The following ROR2 variants were observed in gnomAD, a reference collection of about 807,000 sequenced individuals.
The protein encoded by ROR2 is tyrosine-protein kinase transmembrane receptor ROR2.
Under a neutral mutation model 74.9 loss-of-function variants are expected in ROR2, and 33 were observed. The observed-to-expected ratio is 0.44, with a 90% CI of 0.33 to 0.59. The LOEUF is 0.59. Ranked by LOEUF, ROR2 falls within the 20% of genes least tolerant of loss-of-function variation. The probability of loss-of-function intolerance (pLI) is 0.02; values close to 1 mark genes in which losing one functional copy is unlikely to be tolerated. For missense variants in ROR2, 1,216 were observed against 1,313.8 expected (o/e 0.93, Z 1.15); for synonymous variants, 586 against 558.7 (o/e 1.05, Z -0.69).
At chr9:91,773,577 G>C (rs568703658) in intron 2 of ROR2, among the ~76,000 whole-genome samples, 92 of 152,360 alleles carry the variant, frequency 6.0e-4, no homozygotes, top group African/African-American at 2.0e-3. Context: ...AATGTAGCTA[G>C]TACAACCAAG....
chr9:91,836,539 C>CAAAAAAAAA (rs753563302), intron 1 of ROR2, among the ~76,000 whole-genome samples: 31 of 102,482 alleles, frequency 3.0e-4, no homozygotes, highest in African/African-American at 9.2e-4. Context: ...GATTCCATCT[C>CAAAAAAAAA]AAAAAAAAAA....
chr9:91,840,792 C>T (rs992398047), intron 1 of ROR2, among the ~76,000 whole-genome samples: 1 of 152,236 alleles, frequency 6.6e-6, no homozygotes, highest in Admixed American at 6.5e-5. Context: ...CTCTGCGTGT[C>T]CAAATGAGAT....
At chr9:91,900,813 G>A (rs1345413516) in intron 1 of ROR2, among the ~76,000 whole-genome samples, 1 of 152,138 alleles carries the variant, frequency 6.6e-6, no homozygotes, top group Admixed American at 6.5e-5. Flanking sequence ...GTTCCAGCTT[G>A]AAGGGAAAAA....
At chr9:91,857,277 G>A (rs991894268) in intron 1 of ROR2, among the ~76,000 whole-genome samples, 17 of 152,164 alleles carry the variant, frequency 1.1e-4, no homozygotes, top group African/African-American at 3.9e-4. Flanking sequence ...CATGAAGGCA[G>A]CCTTCCCTTT....
intron 2 of ROR2, among the ~76,000 whole-genome samples, chr9:91,761,475 G>T (rs558425489): frequency 6.6e-6 from 1 of 152,052 alleles, no homozygotes; most frequent in African/African-American, 2.4e-5. Context: ...TCTCATAAGC[G>T]CACACCCTAG....
At chr9:91,835,988 C>T (rs780582732) in intron 1 of ROR2, among the ~76,000 whole-genome samples, 2 of 152,220 alleles carry the variant, frequency 1.3e-5, no homozygotes, top group Admixed American at 6.5e-5. Context: ...TTTCCCCAGC[C>T]GTGTTTGGTA....
intron 1 of ROR2, among the ~76,000 whole-genome samples, chr9:91,801,655 A>G (rs568406983): frequency 2.6e-4 from 40 of 152,186 alleles, no homozygotes; most frequent in African/African-American, 8.7e-4. Flanking sequence ...TTGTCCATCT[A>G]TCTCATGCCG....
At chr9:91,742,523 G>C (rs369592146) in intron 4 of ROR2, among the ~76,000 whole-genome samples, 15 of 152,208 alleles carry the variant, frequency 9.9e-5, no homozygotes, top group Admixed American at 7.2e-4. Flanking sequence ...TGAAACATAA[G>C]AGTCTACAAT....
chr9:91,949,921 T>A lies in ROR2; in HGVS notation c.43A>T (p.Ile15Phe), dbSNP rs1439414155. ...SALPRRPLLCIPAVWAAAALL... is the reference protein window; with the variant it reads ...SALPRRPLLCFPAVWAAAALL... ...GCGGCGGCCGCCCAGACGGCCGGGATGCACAGCAGCGGCCGCCGCGGGAGC... is the reference window on the plus strand; with the variant it reads ...GCGGCGGCCGCCCAGACGGCCGGGAAGCACAGCAGCGGCCGCCGCGGGAGC... Residue 15 changes from isoleucine (I) to phenylalanine (F), a missense_variant, in exon 1 of 9, where the codon ATC becomes TTC. By Grantham distance (21) the Ile-to-Phe change is conservative. Transcript: ENST00000375708. 2.0e-6 allele frequency: 3 copies of A among 1,531,978 alleles called. No individual in the cohort carries two copies. The South Asian group carries it at 3.6e-5, about 18-fold the overall frequency. 94.9% of individuals were successfully genotyped at this position (1,531,978 alleles called of 1,614,324 possible).
At chr9:91,888,445 T>C (rs1023824260) in intron 1 of ROR2, among the ~76,000 whole-genome samples, 1 of 152,184 alleles carries the variant, frequency 6.6e-6, no homozygotes, top group Non-Finnish European at 1.5e-5. Flanking sequence ...CACTGGACGC[T>C]GATACCCTCC....
In ROR2 at chr9:91,726,739, G is replaced by A. The variant is rs990380895; in HGVS notation, c.1188C>T (p.Pro396=). 6.2e-7 allele frequency: 1 copy of A among 1,614,018 alleles called. No individual in the cohort carries two copies. Among genetic ancestry groups the A allele is most frequent in the Non-Finnish European group, 8.5e-7 (1 of 1,179,994 alleles). Residue 396 remains proline (P), a synonymous_variant, in exon 8 of 9, where the codon CCC becomes CCT. Transcript: ENST00000375708. ...GAATCCCCATCTTGCTGCTGTCTCG[G>A]GGACCTGTGAACAATAAGGCTTTCG... ...MELCDVPSCS[P]RDSSKMGILY...
chr9:91,748,713 T>G (rs1212971257), intron 4 of ROR2, among the ~76,000 whole-genome samples: 1 of 152,168 alleles, frequency 6.6e-6, no homozygotes, highest in African/African-American at 2.4e-5. Context: ...CGGGTCGTCA[T>G]GGAGAAAATT....
chr9:91,842,890 G>C (rs1404761364), intron 1 of ROR2, among the ~76,000 whole-genome samples: 6 of 152,218 alleles, frequency 3.9e-5, no homozygotes, highest in Non-Finnish European at 1.5e-5. Flanking sequence ...CCCCTCAAGA[G>C]GTGTCTTCCC....
chr9:91,773,295 G>GTC (rs1826300333), intron 2 of ROR2, among the ~76,000 whole-genome samples: 1 of 152,172 alleles, frequency 6.6e-6, no homozygotes, highest in Non-Finnish European at 1.5e-5. Context: ...AATATGGCCT[G>GTC]TCTGCTTCTC....
At chr9:91,786,009 T>C (rs1475827068) in intron 1 of ROR2, among the ~76,000 whole-genome samples, 1 of 151,960 alleles carries the variant, frequency 6.6e-6, no homozygotes. Context: ...GTGTCTCCAA[T>C]ACATTTCACT....
chr9:91,870,581 T>C (rs182460227), intron 1 of ROR2, among the ~76,000 whole-genome samples: 14 of 152,384 alleles, frequency 9.2e-5, no homozygotes, highest in Admixed American at 6.5e-4. Context: ...ACGTGTCCCA[T>C]ATAACTTTTA....
rs561348309 is a variant in ROR2 at position 91,726,690 on chromosome 9, C to T, written c.1237G>A (p.Ala413Thr). 7.4e-6 allele frequency: 12 copies of T among 1,613,886 alleles called. No homozygotes were observed. In the African/African-American group the frequency reaches 9.3e-5, roughly 13 times the overall value. Residue 413 changes from alanine to threonine, a missense_variant, in exon 8 of 9, where the codon GCA becomes ACA. By Grantham distance (58) the Ala-to-Thr change is moderately conservative. Coordinates refer to ENST00000375708, the MANE Select transcript of ROR2 (RefSeq NM_004560.4). Reference protein sequence around the residue: ...GILYILVPSIAIPLVIACLFF... With the variant: ...GILYILVPSITIPLVIACLFF... ...AGGCAAGCGATGACCAGTGGAATTG[C>T]GATGCTGGGGACCAAGATGTACAGA...
chr9:91,939,136 G>A (rs1831780183), intron 1 of ROR2, among the ~76,000 whole-genome samples: 1 of 152,080 alleles, frequency 6.6e-6, no homozygotes, highest in South Asian at 2.1e-4. Flanking sequence ...TGTAGTCCCA[G>A]CTACTCAGGA....
chr9:91,805,339 G>A (rs1827512012), intron 1 of ROR2, among the ~76,000 whole-genome samples: 1 of 152,198 alleles, frequency 6.6e-6, no homozygotes. Flanking sequence ...TCCCAGCCTG[G>A]GGCCCAGGTA....
Sources: gnomAD v4.1 joint callset for allele counts (sites outside exome capture counted in the v4.1 genomes callset) on GRCh38, gnomAD v4.1.1 for gene constraint, MANE v1.5 for transcripts, NCBI Gene and HGNC (gene_info 2026-07-23, HGNC 2026-07-21) for gene names.